The following TARBP1 variants were observed in gnomAD, a reference collection of about 807,000 sequenced individuals.
TARBP1 encodes the protein tRNA guanosine 2 -O-methyltransferase TARBP1, also known as tRNA (guanosine(18)-2'-O)-methyltransferase TARBP1.
TARBP1 carries 144 observed loss-of-function variants against 178.6 expected under a neutral mutation model. That is an observed-to-expected ratio of 0.81 (90% CI 0.70 to 0.93). The LOEUF is 0.93. Ranked by LOEUF, TARBP1 falls within the 40% of genes least tolerant of loss-of-function variation. The pLI is 0.00. For synonymous variants in TARBP1, 787 were observed against 781.0 expected (o/e 1.01, Z -0.13); for missense variants, 2,067 against 2,011.7 (o/e 1.03, Z -0.53).
chr1:234,392,880 T>A (rs934425336), intron 28 of TARBP1, among the ~76,000 whole-genome samples: 7 of 152,062 alleles, frequency 4.6e-5, no homozygotes, highest in Non-Finnish European at 8.8e-5. Flanking sequence ...CCGGCTAATT[T>A]TTTTTTATTT....
chr1:234,453,329 G>GT (rs374906747), intron 9 of TARBP1, among the ~76,000 whole-genome samples: 30,174 of 89,822 alleles, frequency 0.34, 4,034 homozygotes, highest in African/African-American at 0.52. Flanking sequence ...TTTTTTGTGT[G>GT]TTTTTTTTTT....
chr1:234,469,077 T>TAAAAAAAAAAAAAAAAAAA (rs1327979551), intron 3 of TARBP1, among the ~76,000 whole-genome samples: 1 of 63,764 alleles, frequency 1.6e-5, no homozygotes, highest in Non-Finnish European at 2.9e-5. Flanking sequence ...TTTTTTTTTT[T>TAAAAAAAAAAAAAAAAAAA]AAAAAAAAAA....
intron 14 of TARBP1, among the ~76,000 whole-genome samples, chr1:234,430,749 A>C (rs1302358961): frequency 6.6e-6 from 1 of 152,194 alleles, no homozygotes; most frequent in Non-Finnish European, 1.5e-5. Context: ...CAGGTTACAA[A>C]TAATTCCTTC....
chr1:234,471,286 A>C, intron 2 of TARBP1, 29 bp from the exon 3 acceptor site: 1 of 1,405,116 alleles, frequency 7.1e-7, no homozygotes, highest in Non-Finnish European at 9.9e-7. Context: ...AAATCATATG[A>C]AATGAAAATG....
intron 3 of TARBP1, among the ~76,000 whole-genome samples, chr1:234,469,638 A>G (rs917092909): frequency 6.6e-6 from 1 of 152,242 alleles, no homozygotes; most frequent in East Asian, 1.9e-4. Context: ...AAAACCATTT[A>G]CCTAGGTTAA....
At chr1:234,463,777 T>TAA (rs952898603) in intron 6 of TARBP1, 60 bp downstream of exon 6, 42 of 860,446 alleles carry the variant, frequency 4.9e-5, no homozygotes, top group South Asian at 1.2e-4. Context: ...ACCAATTTGC[T>TAA]AAAAAAAAAA....
At position 234,430,320 on chromosome 1, in the gene TARBP1, A is replaced by G; in HGVS notation, c.2395-19T>C. Reference sequence around the variant, plus strand: ...TTGGCTCCTGAAAAGGAAATGTGACAATGTTTTATTTAATATGCACAAGTC... The same window carrying G: ...TTGGCTCCTGAAAAGGAAATGTGACGATGTTTTATTTAATATGCACAAGTC... On this transcript the variant is annotated intron_variant, in intron 14 of 29. Transcript: ENST00000040877. The G allele has an allele frequency of 1.2e-6, 2 of 1,607,984 alleles. No individual in the cohort carries two copies. The highest frequency in any genetic ancestry group is 1.7e-6 in the Non-Finnish European group (2 of 1,177,132).
chr1:234,478,833 G>C lies in TARBP1; in HGVS notation c.271C>G (p.Arg91Gly), dbSNP rs899772721. The C allele has an allele frequency of 5.8e-6, 7 of 1,198,654 alleles. No homozygotes were observed. The highest frequency in any genetic ancestry group is 4.0e-5 in the South Asian group (1 of 25,242). 74.3% of individuals were successfully genotyped at this position (1,198,654 alleles called of 1,614,324 possible). The change falls in exon 1 of 30, where the codon CGC becomes GGC. Residue 91 changes from arginine to glycine, a missense_variant. Transcript: ENST00000040877. ...GCCCTCAGCACGCGCCGGCGGTGGCGAGGCTGCAGACTGGGGTCCGGGCCG... is the reference window on the plus strand; with the variant it reads ...GCCCTCAGCACGCGCCGGCGGTGGCCAGGCTGCAGACTGGGGTCCGGGCCG... ...AGGPDPSLQP[R>G]HRRRVLRAAG...
At chr1:234,455,261 C>G (rs115557610) in intron 9 of TARBP1, among the ~76,000 whole-genome samples, 3,565 of 152,272 alleles carry the variant, frequency 0.023, 55 homozygotes, top group South Asian at 0.062. Context: ...TGGAGGGAAA[C>G]TGGGCAATCC....
chr1:234,412,830 G>A (rs772931576), intron 22 of TARBP1, among the ~76,000 whole-genome samples: 9 of 152,104 alleles, frequency 5.9e-5, no homozygotes, highest in African/African-American at 1.2e-4. Flanking sequence ...CAGTTATCTC[G>A]GGTGACCCCC....
intron 23 of TARBP1, 193 bp from the exon 24 acceptor site, chr1:234,406,292 G>A: frequency 3.5e-6 from 2 of 571,348 alleles, no homozygotes; most frequent in Non-Finnish European, 3.1e-6. Flanking sequence ...TTTACTCAAG[G>A]AAAAACACAT....
chr1:234,421,194 T>G (rs540902140), intron 20 of TARBP1, among the ~76,000 whole-genome samples: 153 of 152,270 alleles, frequency 1.0e-3, no homozygotes, highest in Middle Eastern at 3.4e-3. Context: ...GTTCTAGCAA[T>G]TCTCCTGCCT....
In TARBP1 at chr1:234,437,281, T is replaced by C. The variant is rs767564370; in HGVS notation, c.2226A>G (p.Leu742=). 2.0e-6 allele frequency: 3 copies of C among 1,510,734 alleles called. No homozygotes were observed. Among genetic ancestry groups the C allele is most frequent in the Non-Finnish European group, 2.7e-6 (3 of 1,102,660 alleles). 93.6% of individuals were successfully genotyped at this position (1,510,734 alleles called of 1,614,324 possible). A position where few individuals can be genotyped will look rare whatever the true frequency, so the allele number is the denominator to read the frequency against. The change falls in exon 13 of 30, where the codon CTA becomes CTG. Residue 742 remains leucine (L), a synonymous_variant. Transcript: ENST00000040877. The part of the protein sequence containing the change: ...FILRRLTMNE[L]NSVSDLDRCH... ...TATTCCACTGAATACTTACACTATT[T>C]AGCTCATTCATAGTAAGTCTTCTGA...
In TARBP1 at chr1:234,439,546, C is replaced by T. The variant is rs112410977; in HGVS notation, c.2135-2174G>A. On this transcript the variant is annotated intron_variant, in intron 12 of 29. Transcript: ENST00000040877. ...TAAAGAGAGAAATGAAAAACAAAGGCCCAGTGTGGTGGCTCATGCCTGTAA... is the reference window on the plus strand; with the variant it reads ...TAAAGAGAGAAATGAAAAACAAAGGTCCAGTGTGGTGGCTCATGCCTGTAA... Among the ~76,000 whole-genome samples the T allele has an allele frequency of 3.3e-3, 510 of 152,250 alleles. 4 individuals are homozygous for T. The highest frequency in any genetic ancestry group is 0.012 in the African/African-American group (494 of 41,544).
chr1:234,440,788 C>G (rs527479364), intron 12 of TARBP1, among the ~76,000 whole-genome samples: 39 of 152,276 alleles, frequency 2.6e-4, no homozygotes, highest in Non-Finnish European at 3.8e-4. Flanking sequence ...TTTACAACAG[C>G]TTCCCCTCAA....
intron 25 of TARBP1, chr1:234,400,439 G>C (rs1448306552): frequency 2.0e-5 from 3 of 152,082 alleles, no homozygotes; most frequent in Non-Finnish European, 4.4e-5. Flanking sequence ...GCAATATATA[G>C]ATCTATACTT....
intron 22 of TARBP1, among the ~76,000 whole-genome samples, chr1:234,413,391 T>C (rs1269400002): frequency 6.6e-6 from 1 of 152,200 alleles, no homozygotes; most frequent in African/African-American, 2.4e-5. Flanking sequence ...GGAGAATCGC[T>C]TGAACCCGGG....
chr1:234,429,363 C>T (rs1189540514), intron 16 of TARBP1, 39 bp from the exon 17 acceptor site: 1 of 1,566,416 alleles, frequency 6.4e-7, no homozygotes, highest in African/African-American at 1.4e-5. Context: ...ATTTCAAAAA[C>T]TTGATCGCCA....
chr1:234,471,351 G>T, intron 2 of TARBP1, 94 bp from the exon 3 acceptor site: 1 of 793,508 alleles, frequency 1.3e-6, no homozygotes, highest in Non-Finnish European at 2.1e-6. Flanking sequence ...TAGCTCTTCT[G>T]TTTCTACAAA....
Sources: gnomAD v4.1 joint callset for allele counts (sites outside exome capture counted in the v4.1 genomes callset) on GRCh38, gnomAD v4.1.1 for gene constraint, MANE v1.5 for transcripts, NCBI Gene and HGNC (gene_info 2026-07-23, HGNC 2026-07-21) for gene names.